The following RYR2 variants were observed in gnomAD, a reference collection of about 807,000 sequenced individuals.
RYR2 encodes cardiac muscle ryanodine receptor-calcium release channel.
A neutral mutation model predicts 601.1 loss-of-function variants in RYR2; 227 were observed. The ratio of observed to expected loss-of-function variants is 0.38; its 90% CI spans 0.34 to 0.42. The LOEUF is 0.42. Ranked by LOEUF, RYR2 falls within the 10% of genes least tolerant of loss-of-function variation. RYR2 has a pLI of 1.00. For missense variants in RYR2, 4,646 were observed against 6,156.5 expected (o/e 0.75, Z 8.21); for synonymous variants, 2,223 against 2,175.1 (o/e 1.02, Z -0.61).
intron 1 of RYR2, among the ~76,000 whole-genome samples, chr1:237,095,330 G>A (rs1328683095): frequency 2.0e-5 from 3 of 152,102 alleles, no homozygotes; most frequent in Non-Finnish European, 4.4e-5. Context: ...TGTACCACAC[G>A]CTTCAATGGT....
intron 29 of RYR2, among the ~76,000 whole-genome samples, chr1:237,580,692 G>T (rs1441192602): frequency 6.6e-6 from 1 of 152,130 alleles, no homozygotes; most frequent in Non-Finnish European, 1.5e-5. Flanking sequence ...AACCCTCAAT[G>T]TGGCTGTATT....
chr1:237,521,194 C>G (rs1347469011), intron 24 of RYR2, among the ~76,000 whole-genome samples: 1 of 152,132 alleles, frequency 6.6e-6, no homozygotes, highest in African/African-American at 2.4e-5. Flanking sequence ...TTCTCCCTAA[C>G]CGCTCTATGA....
intron 1 of RYR2, among the ~76,000 whole-genome samples, chr1:237,067,295 A>G (rs1452048837): frequency 1.3e-5 from 2 of 152,062 alleles, no homozygotes; most frequent in Non-Finnish European, 2.9e-5. Flanking sequence ...TTTCTCATCG[A>G]TGATCTGATT....
At chr1:237,489,287 A>T (rs1235777822) in intron 17 of RYR2, among the ~76,000 whole-genome samples, 1 of 152,164 alleles carries the variant, frequency 6.6e-6, no homozygotes, top group Non-Finnish European at 1.5e-5. Context: ...GTCTACCCAC[A>T]TCTCCAATCA....
chr1:237,424,627 T>G (rs1444607126), intron 12 of RYR2, among the ~76,000 whole-genome samples: 2 of 152,228 alleles, frequency 1.3e-5, no homozygotes, highest in Non-Finnish European at 2.9e-5. Flanking sequence ...GTTTAAATTT[T>G]TACTTTGCCC....
At chr1:237,317,115 G>A (rs2149512484) in intron 2 of RYR2, among the ~76,000 whole-genome samples, 1 of 152,290 alleles carries the variant, frequency 6.6e-6, no homozygotes, top group Admixed American at 6.5e-5. Flanking sequence ...TTCCTGAGCT[G>A]AAATCAGTGT....
intron 74 of RYR2, among the ~76,000 whole-genome samples, chr1:237,725,738 A>G (rs138252479): frequency 1.8e-3 from 273 of 152,214 alleles, no homozygotes; most frequent in African/African-American, 6.3e-3. Context: ...TTTAATAGGC[A>G]GGTAATAAAA....
Position 237,784,983 on chromosome 1 carries a change from T to C in RYR2, c.13260+11T>C. ...CAGGAAAAATTTCAGGTAATTTATC[T>C]CTAAGTCACAGCAGCATTCTCTCTG... On this transcript the variant is annotated intron_variant, in intron 90 of 104. Transcript: ENST00000366574. The surrounding 1 kb of genome is among the most constrained non-coding windows in gnomAD (Gnocchi z 7.1). 6.5e-7 allele frequency: 1 copy of C among 1,546,632 alleles called. No homozygotes were observed. Among genetic ancestry groups the C allele is most frequent in the Non-Finnish European group, 8.8e-7 (1 of 1,140,036 alleles).
intron 29 of RYR2, among the ~76,000 whole-genome samples, chr1:237,587,482 T>G (rs980076195): frequency 3.9e-5 from 6 of 152,128 alleles, no homozygotes; most frequent in African/African-American, 1.4e-4. Context: ...TCTGAAGCTT[T>G]TAAATAAAAA....
intron 79 of RYR2, among the ~76,000 whole-genome samples, chr1:237,735,594 T>C (rs1364697757): frequency 6.6e-6 from 1 of 152,132 alleles, no homozygotes; most frequent in Non-Finnish European, 1.5e-5. Context: ...AAGAAATACA[T>C]TTACCCGGTA....
chr1:237,122,154 G>T (rs1052998830), intron 1 of RYR2, among the ~76,000 whole-genome samples: 1 of 152,204 alleles, frequency 6.6e-6, no homozygotes, highest in Admixed American at 6.5e-5. Context: ...TTGGGGTTGC[G>T]GTTGGAGGCC....
chr1:237,678,253 A>C, intron 61 of RYR2, 141 bp downstream of exon 61: 1 of 588,906 alleles, frequency 1.7e-6, no homozygotes, highest in Non-Finnish European at 3.1e-6. Context: ...CATGAAAATA[A>C]CTGCATGAAT....
chr1:237,627,210 A>C (rs1296107204), intron 40 of RYR2, among the ~76,000 whole-genome samples: 2 of 152,200 alleles, frequency 1.3e-5, no homozygotes, highest in African/African-American at 2.4e-5. Flanking sequence ...TTCATGTTAC[A>C]TTGCAAAGTA....
chr1:237,220,989 G>A (rs866584182), intron 1 of RYR2, among the ~76,000 whole-genome samples: 59 of 152,106 alleles, frequency 3.9e-4, no homozygotes, highest in African/African-American at 1.3e-3. Context: ...CCAGCTACTC[G>A]GGAGGCTGAG....
intron 14 of RYR2, among the ~76,000 whole-genome samples, chr1:237,452,031 G>A (rs1308559116): frequency 1.4e-5 from 2 of 143,930 alleles, no homozygotes; most frequent in Non-Finnish European, 1.5e-5. Context: ...CTTCAGGGAA[G>A]GGAGCTCTAT....
intron 76 of RYR2, among the ~76,000 whole-genome samples, chr1:237,728,572 G>C (rs1174356541): frequency 6.6e-6 from 1 of 152,016 alleles, no homozygotes; most frequent in East Asian, 1.9e-4. Context: ...AGAAAAAGTG[G>C]CACATATACA....
chr1:237,613,160 A>G (rs1678073149), intron 36 of RYR2, among the ~76,000 whole-genome samples: 1 of 152,224 alleles, frequency 6.6e-6, no homozygotes, highest in Admixed American at 6.5e-5. Context: ...CCCCAATAAC[A>G]TGACAAATCA....
chr1:237,786,892 A>T (rs1182748244), intron 91 of RYR2, among the ~76,000 whole-genome samples: 2 of 152,190 alleles, frequency 1.3e-5, no homozygotes, highest in Non-Finnish European at 2.9e-5. Context: ...TAGATCTCAC[A>T]CTATTGGGTC....
chr1:237,312,073 T>A (rs139084205), intron 2 of RYR2, among the ~76,000 whole-genome samples: 2 of 152,292 alleles, frequency 1.3e-5, no homozygotes, highest in African/African-American at 2.4e-5. Flanking sequence ...GAGCTACTTT[T>A]TATGAGGCTC....
Sources: allele counts gnomAD v4.1 joint callset (sites outside exome capture counted in the v4.1 genomes callset), GRCh38; gene constraint gnomAD v4.1.1; non-coding constraint Gnocchi (gnomAD v3.1); transcripts MANE v1.5; gene names NCBI Gene and HGNC (gene_info 2026-07-23, HGNC 2026-07-21).